The following ROBO1 variants were observed in gnomAD, a reference collection of about 807,000 sequenced individuals.
ROBO1 encodes roundabout guidance receptor 1, also known as roundabout homolog 1.
A neutral mutation model predicts 195.9 loss-of-function variants in ROBO1; 149 were observed. The ratio of observed to expected loss-of-function variants is 0.76; its 90% CI spans 0.67 to 0.87. The LOEUF (loss-of-function observed/expected upper bound fraction) is 0.87. Among genes scored for constraint, ROBO1 ranks in the 40% least tolerant of loss-of-function variants. The probability of loss-of-function intolerance (pLI) is 0.00; values close to 1 mark genes in which losing one functional copy is unlikely to be tolerated. For missense variants in ROBO1, 1,933 were observed against 2,068.3 expected (o/e 0.93, Z 1.27); for synonymous variants, 816 against 733.2 (o/e 1.11, Z -1.82).
In ROBO1 at chr3:79,642,469, A is replaced by G. The variant is rs935975563; in HGVS notation, c.-50-52508T>C. Among the ~76,000 whole-genome samples, 32 of 152,126 alleles carry G rather than the reference A, an allele frequency of 2.1e-4. 1 individual carries two copies. The highest frequency in any genetic ancestry group is 4.4e-5 in the Non-Finnish European group (3 of 68,018). On this transcript the variant is annotated intron_variant, in intron 1 of 30. Coordinates refer to ENST00000464233, the MANE Select transcript of ROBO1 (RefSeq NM_002941.4). ...TTTGACCCAAATAACTACCCCAAAA[A>G]TATAATAAAACTCTCAAAGGTCAAG...
chr3:79,668,258 G>T (rs2106879980), intron 1 of ROBO1, among the ~76,000 whole-genome samples: 1 of 151,526 alleles, frequency 6.6e-6, no homozygotes, highest in Admixed American at 6.6e-5. Flanking sequence ...GTAACATTGG[G>T]TTTTACTGTT....
At chr3:79,637,845 G>T (rs950860342) in intron 1 of ROBO1, among the ~76,000 whole-genome samples, 12 of 152,250 alleles carry the variant, frequency 7.9e-5, no homozygotes, top group East Asian at 3.9e-4. Context: ...CAGGCACTCT[G>T]TGTATTCCAT....
At chr3:79,015,427 T>G (rs949520567) in intron 3 of ROBO1, among the ~76,000 whole-genome samples, 2 of 132,084 alleles carry the variant, frequency 1.5e-5, no homozygotes, top group South Asian at 5.1e-4. Context: ...TAAACTATCA[T>G]TTATTTGAAA....
intron 2 of ROBO1, among the ~76,000 whole-genome samples, chr3:79,437,199 C>G (rs1469008502): frequency 2.0e-5 from 3 of 152,084 alleles, no homozygotes; most frequent in East Asian, 1.9e-4. Flanking sequence ...TAGCTTTATT[C>G]AACTTTACCA....
chr3:79,683,168 A>AG (rs1947000521), intron 1 of ROBO1, among the ~76,000 whole-genome samples: 1 of 152,004 alleles, frequency 6.6e-6, no homozygotes. Flanking sequence ...AGTGGAAAAA[A>AG]CAATAGTTTA....
chr3:79,223,805 CTTAGT>C (rs1324574433), intron 2 of ROBO1, among the ~76,000 whole-genome samples: 5 of 152,162 alleles, frequency 3.3e-5, no homozygotes, highest in Non-Finnish European at 7.4e-5. Flanking sequence ...TGTACTCTCC[CTTAGT>C]TTAATGTCAG....
intron 8 of ROBO1, among the ~76,000 whole-genome samples, chr3:78,701,411 GAACA>G (rs2081418255): frequency 6.6e-6 from 1 of 152,104 alleles, no homozygotes; most frequent in African/African-American, 2.4e-5. Flanking sequence ...CAACATTTTA[GAACA>G]CTCACTGTAA....
At chr3:78,608,608 A>G (rs943663831) in intron 28 of ROBO1, among the ~76,000 whole-genome samples, 27 of 152,266 alleles carry the variant, frequency 1.8e-4, no homozygotes, top group African/African-American at 6.0e-4. Context: ...CGGCTGCAGT[A>G]TGGGGAATGT....
At chr3:78,736,748 C>A (rs150120540) in intron 5 of ROBO1, among the ~76,000 whole-genome samples, 8 of 152,244 alleles carry the variant, frequency 5.3e-5, no homozygotes, top group Non-Finnish European at 8.8e-5. Flanking sequence ...TTACTGCAAT[C>A]CTTTCAAAAG....
chr3:79,699,557 T>C (rs1441485303), intron 1 of ROBO1, among the ~76,000 whole-genome samples: 2 of 151,686 alleles, frequency 1.3e-5, no homozygotes, highest in African/African-American at 4.8e-5. Flanking sequence ...AAGGCACACC[T>C]ACCAGGGGTA....
intron 1 of ROBO1, among the ~76,000 whole-genome samples, chr3:79,677,412 A>G (rs752388687): frequency 5.3e-5 from 8 of 151,980 alleles, no homozygotes; most frequent in Non-Finnish European, 1.0e-4. Context: ...TCATGGTGGA[A>G]GGCAAGGAGG....
chr3:79,426,668 T>C (rs1436892879), intron 2 of ROBO1, among the ~76,000 whole-genome samples: 1 of 152,156 alleles, frequency 6.6e-6, no homozygotes, highest in Non-Finnish European at 1.5e-5. Flanking sequence ...GTGCCTGGCT[T>C]CTTTCTTCAT....
At chr3:78,867,242 G>A (rs949261341) in intron 4 of ROBO1, among the ~76,000 whole-genome samples, 5 of 152,092 alleles carry the variant, frequency 3.3e-5, no homozygotes, top group African/African-American at 1.2e-4. Context: ...AAGCTACCTT[G>A]TCAGGAAACT....
intron 3 of ROBO1, among the ~76,000 whole-genome samples, chr3:79,095,889 A>T (rs1045919262): frequency 1.3e-4 from 19 of 151,962 alleles, no homozygotes; most frequent in Admixed American, 5.9e-4. Flanking sequence ...CATTTTTTTA[A>T]ATATCTGCAC....
At chr3:79,070,181 C>G (rs2079063879) in intron 3 of ROBO1, among the ~76,000 whole-genome samples, 1 of 151,902 alleles carries the variant, frequency 6.6e-6, no homozygotes, top group Non-Finnish European at 1.5e-5. Context: ...TCATCACTCA[C>G]TTTCCATATT....
intron 1 of ROBO1, among the ~76,000 whole-genome samples, chr3:79,764,033 C>A (rs1412549131): frequency 6.6e-6 from 1 of 152,160 alleles, no homozygotes; most frequent in Non-Finnish European, 1.5e-5. Flanking sequence ...CCTGGCTCTG[C>A]CCCTTTTTGG....
chr3:79,502,944 G>T (rs184104443), intron 2 of ROBO1, among the ~76,000 whole-genome samples: 4 of 152,144 alleles, frequency 2.6e-5, no homozygotes, highest in Non-Finnish European at 1.5e-5. Context: ...TCTGTAAAAT[G>T]GACCAATCAG....
chr3:79,568,922 C>T (rs571038596), intron 2 of ROBO1, among the ~76,000 whole-genome samples: 1 of 152,066 alleles, frequency 6.6e-6, no homozygotes. Flanking sequence ...AATTTTGTTA[C>T]ATTTTTATTT....
chr3:79,160,006 A>T (rs1054619504), intron 2 of ROBO1, among the ~76,000 whole-genome samples: 1 of 152,088 alleles, frequency 6.6e-6, no homozygotes. Context: ...GGATGTCAAC[A>T]GATAGAAAGA....
Sources: gnomAD v4.1 joint callset for allele counts (sites outside exome capture counted in the v4.1 genomes callset) on GRCh38, gnomAD v4.1.1 for gene constraint, MANE v1.5 for transcripts, NCBI Gene and HGNC (gene_info 2026-07-23, HGNC 2026-07-21) for gene names.